The following LARGE1 variants were observed in gnomAD, a reference collection of about 807,000 sequenced individuals.
LARGE1 encodes the protein LARGE xylosyl- and glucuronyltransferase 1, also known as xylosyl- and glucuronyltransferase LARGE1.
In LARGE1, 43 loss-of-function variants were observed where a neutral mutation model predicts 87.6. That is an observed-to-expected ratio of 0.49 (90% CI 0.38 to 0.63). The LOEUF is 0.63. LARGE1 is among the 30% of genes least tolerant of loss of function. The probability of loss-of-function intolerance (pLI) is 0.00; values close to 1 mark genes in which losing one functional copy is unlikely to be tolerated. For missense variants in LARGE1, 802 were observed against 1,000.2 expected, an observed-to-expected ratio of 0.80 and a Z score of 2.67; for synonymous variants, 434 against 394.6, an observed-to-expected ratio of 1.10 and a Z score of -1.18.
intron 11 of LARGE1, among the ~76,000 whole-genome samples, chr22:33,257,159 C>T (rs1349684767): frequency 1.3e-5 from 2 of 152,044 alleles, no homozygotes; most frequent in South Asian, 2.1e-4. Context: ...GAGCTGAGAT[C>T]GCACCATTGC....
intron 11 of LARGE1, among the ~76,000 whole-genome samples, chr22:33,252,251 T>TTCC (rs1927041347): frequency 1.1e-4 from 12 of 111,522 alleles, no homozygotes; most frequent in Non-Finnish European, 1.8e-4. Flanking sequence ...ATTCCTTCAT[T>TTCC]CCCCCCCCCC....
intron 2 of LARGE1, among the ~76,000 whole-genome samples, chr22:33,714,018 TAACATAACATAAC>T (rs2082836202): frequency 2.0e-5 from 3 of 151,352 alleles, no homozygotes; most frequent in Non-Finnish European, 4.4e-5. Flanking sequence ...TAACATAACA[TAACATAACATAAC>T]ATAAAACAAA....
At chr22:33,657,692 C>T (rs949532571) in intron 2 of LARGE1, among the ~76,000 whole-genome samples, 4 of 152,110 alleles carry the variant, frequency 2.6e-5, no homozygotes, top group Admixed American at 6.5e-5. Context: ...TGATTTCTCC[C>T]TGTTCCTGTC....
At chr22:33,549,897 C>T (rs909543597) in intron 6 of LARGE1, among the ~76,000 whole-genome samples, 9 of 152,068 alleles carry the variant, frequency 5.9e-5, no homozygotes, top group Admixed American at 3.9e-4. Flanking sequence ...CATTCTGTTG[C>T]TTCATCCATG....
At position 33,916,880 on chromosome 22, in the gene LARGE1, T is replaced by C. The variant is rs181810878; in HGVS notation, c.-83+3115A>G. On this transcript the variant is annotated intron_variant, in intron 1 of 14. Coordinates refer to ENST00000397394, the MANE Select transcript of LARGE1 (RefSeq NM_133642.5). ...TGGTGCTCAATGGCAAATGCGATGG[T>C]ATTTTCCTGTTCCAATCTCTTACCC... 1.1e-4 allele frequency among the ~76,000 whole-genome samples: 16 copies of C among 152,334 alleles called. No homozygotes were observed. The East Asian group carries it at 3.1e-3, about 29-fold the overall frequency.
intron 2 of LARGE1, among the ~76,000 whole-genome samples, chr22:33,721,319 A>G (rs952309573): frequency 6.6e-6 from 1 of 152,242 alleles, no homozygotes; most frequent in African/African-American, 2.4e-5. Context: ...GAATGGCAAT[A>G]GTCTCATTCA....
At chr22:33,886,878 G>A (rs987094515) in intron 1 of LARGE1, among the ~76,000 whole-genome samples, 4 of 152,160 alleles carry the variant, frequency 2.6e-5, no homozygotes, top group African/African-American at 9.7e-5. Flanking sequence ...CTCTTGTGAA[G>A]CTTCCAGTCC....
At chr22:33,381,054 G>A (rs1325463843) in intron 9 of LARGE1, among the ~76,000 whole-genome samples, 2 of 152,158 alleles carry the variant, frequency 1.3e-5, no homozygotes, top group African/African-American at 4.8e-5. Flanking sequence ...GTTTCCTCTT[G>A]TGTATTAGGG....
intron 7 of LARGE1, among the ~76,000 whole-genome samples, chr22:33,396,884 C>A (rs2065764773): frequency 1.3e-5 from 2 of 152,142 alleles, no homozygotes. Flanking sequence ...TGGTGGCTGG[C>A]AAATACTTTC....
At chr22:33,883,713 C>T (rs917901975) in intron 1 of LARGE1, among the ~76,000 whole-genome samples, 11 of 152,240 alleles carry the variant, frequency 7.2e-5, no homozygotes, top group African/African-American at 2.2e-4. Flanking sequence ...TGGCATGGGC[C>T]TCGGCTCTTT....
In LARGE1 at chr22:33,572,318, G is replaced by A. The variant is rs538745078; in HGVS notation, c.616-7299C>T. The A allele has an allele frequency of 3.9e-5, 21 of 535,972 alleles. No homozygotes were observed. The East Asian group carries it at 1.1e-3, about 28-fold the overall frequency. 33.2% of individuals were successfully genotyped at this position (535,972 alleles called of 1,614,324 possible). On this transcript the variant is annotated intron_variant, in intron 5 of 14. Coordinates refer to ENST00000397394, the MANE Select transcript of LARGE1 (RefSeq NM_133642.5). ...TTCAGAGTATAATTGTTAAGAAACA[G>A]AAGTGGGGCGGGGCTTGAGATGCTG... is the stretch of plus-strand genomic sequence containing the variant.
At chr22:33,735,298 A>C (rs1003853279) in intron 2 of LARGE1, among the ~76,000 whole-genome samples, 5 of 152,078 alleles carry the variant, frequency 3.3e-5, no homozygotes, top group Non-Finnish European at 7.4e-5. Flanking sequence ...TTACCTAAAA[A>C]CTTACTGTTC....
chr22:33,067,840 C>T, the LARGE1 span, among the ~76,000 whole-genome samples: 1 of 151,986 alleles, frequency 6.6e-6, no homozygotes, highest in African/African-American at 2.4e-5. Context: ...ATTAGCCAGG[C>T]GTGGTGGCGG....
At chr22:33,078,139 T>A in the LARGE1 span, among the ~76,000 whole-genome samples, 1 of 152,182 alleles carries the variant, frequency 6.6e-6, no homozygotes, top group African/African-American at 2.4e-5. Flanking sequence ...TTTGCCTCCA[T>A]CCATCTGAAT....
chr22:33,295,967 T>C (rs1444908814), intron 12 of LARGE1, among the ~76,000 whole-genome samples: 6 of 152,200 alleles, frequency 3.9e-5, no homozygotes, highest in Non-Finnish European at 7.3e-5. Flanking sequence ...GCTTTTGGGG[T>C]AAATTTTACA....
chr22:33,185,541 G>A (rs1397135722), intron 11 of LARGE1, among the ~76,000 whole-genome samples: 1 of 152,104 alleles, frequency 6.6e-6, no homozygotes, highest in East Asian at 1.9e-4. Flanking sequence ...GATCCCTAAT[G>A]TAAACTATGG....
intron 6 of LARGE1, among the ~76,000 whole-genome samples, chr22:33,501,901 A>T (rs2070456997): frequency 1.3e-5 from 2 of 152,180 alleles, no homozygotes; most frequent in African/African-American, 4.8e-5. Context: ...GGTACAAAGT[A>T]GGAGGAACTG....
rs190830310 is a variant in LARGE1 at position 33,228,421 on chromosome 22, A to G, written c.1731-61589T>C. Among the ~76,000 whole-genome samples the G allele has an allele frequency of 9.8e-5, 15 of 152,362 alleles. 1 individual carries two copies. Among genetic ancestry groups the G allele is most frequent in the Admixed American group, 9.8e-4 (15 of 15,306 alleles). ...TCTGCTTCTTGACTAGTGTCTCAAA[A>G]TCAGAGTGGTGCTATGGAAGCTACC... On this transcript the variant is annotated intron_variant, in intron 11 of 11. Coordinates refer to the LARGE1 transcript ENST00000608642.
chr22:33,524,311 A>G (rs1296479690), intron 6 of LARGE1, among the ~76,000 whole-genome samples: 1 of 151,516 alleles, frequency 6.6e-6, no homozygotes, highest in Admixed American at 6.6e-5. Context: ...AATAATAATA[A>G]TAATAAAATC....
Sources: gnomAD v4.1 joint callset for allele counts (sites outside exome capture counted in the v4.1 genomes callset) on GRCh38, gnomAD v4.1.1 for gene constraint, MANE v1.5 for transcripts, NCBI Gene and HGNC (gene_info 2026-07-23, HGNC 2026-07-21) for gene names.